The following ARRDC5 variants were observed in gnomAD, a reference collection of about 807,000 sequenced individuals.
ARRDC5 encodes the protein arrestin domain-containing protein 5.
A neutral mutation model predicts 13.3 loss-of-function variants in ARRDC5; 12 were observed. The observed-to-expected ratio is 0.90, with a 90% CI of 0.58 to 1.46. The LOEUF (loss-of-function observed/expected upper bound fraction) is 1.46. ARRDC5 is among the 40% of genes most tolerant of loss of function. The probability of loss-of-function intolerance (pLI) is 0.00; values close to 1 mark genes in which losing one functional copy is unlikely to be tolerated. For missense variants in ARRDC5, 406 were observed against 418.7 expected (o/e 0.97, Z 0.26); for synonymous variants, 181 against 173.4 (o/e 1.04, Z -0.34).
intron 2 of ARRDC5, among the ~76,000 whole-genome samples, chr19:4,893,150 G>T (rs868289485): frequency 0.011 from 1,480 of 138,928 alleles, 20 homozygotes; most frequent in Non-Finnish European, 0.015. Context: ...TATATTATTA[G>T]AATATATATA....
At chr19:4,896,020 TA>T (rs1194496187) in intron 2 of ARRDC5, among the ~76,000 whole-genome samples, 3 of 152,028 alleles carry the variant, frequency 2.0e-5, no homozygotes, top group African/African-American at 7.2e-5. Context: ...GTTTCTTTTC[TA>T]AAAAAAATGT....
the ARRDC5 span, among the ~76,000 whole-genome samples, chr19:4,914,397 CTT>C: frequency 6.6e-6 from 1 of 151,552 alleles, no homozygotes; most frequent in African/African-American, 2.4e-5. Context: ...TGTTCACAGT[CTT>C]TTTTTTTCCC....
At chr19:4,904,560 G>T (rs187737194), upstream of ARRDC5, among the ~76,000 whole-genome samples, 395 of 152,158 alleles carry the variant, frequency 2.6e-3, 2 homozygotes, top group South Asian at 0.029. Context: ...TGATCCACCC[G>T]CCTCACTTGG....
chr19:4,896,371 C>CTT lies in ARRDC5; in HGVS notation c.459+299_459+300insAA, dbSNP rs1568396086. 2.4e-4 allele frequency among the ~76,000 whole-genome samples: 26 copies of CTT among 107,860 alleles called. 1 individual carries two copies. The highest frequency in any genetic ancestry group is 9.5e-4 in the African/African-American group (26 of 27,488). The allele number at this position is 107,860 out of a possible 152,430, so 70.8% of individuals were successfully genotyped here. On this transcript the variant is annotated intron_variant, in intron 2 of 2. Coordinates refer to ENST00000650722, the MANE Select transcript of ARRDC5 (RefSeq NM_001080523.3). ...ATATTTTTTTTTTTTTACACACACA[C>CTT]ACACACACACACACACACACACACA...
At position 4,891,235 on chromosome 19, in the gene ARRDC5, G is replaced by C; in HGVS notation, c.798C>G (p.Ser266Arg). 1 of 1,613,872 alleles carries C rather than the reference G, an allele frequency of 6.2e-7. No homozygotes were observed. Among genetic ancestry groups the C allele is most frequent in the Non-Finnish European group, 8.5e-7 (1 of 1,179,846 alleles). The change falls in exon 3 of 3, where the codon AGC (serine) becomes AGG (arginine). Residue 266 changes from serine (S) to arginine (R), a missense_variant. Ser to Arg is a moderately radical substitution (Grantham distance 110). Transcript: ENST00000650722. ...TFNLPLLLSV[S>R]SSTQDGEIMH... ...TGATCTCACCGTCCTGCGTGCTGCT[G>C]CTCACGGACAGCAGCAACGGCAGGT...
chr19:4,908,555 C>G, the ARRDC5 span, among the ~76,000 whole-genome samples: 1 of 152,102 alleles, frequency 6.6e-6, no homozygotes, highest in Non-Finnish European at 1.5e-5. Flanking sequence ...CTGGGTTTGA[C>G]TTTCCCTCCT....
chr19:4,899,687 T>C (rs1026122317), intron 1 of ARRDC5, among the ~76,000 whole-genome samples: 3 of 136,408 alleles, frequency 2.2e-5, no homozygotes, highest in Non-Finnish European at 4.5e-5. Context: ...CCCAGCACTC[T>C]GGGAGGCCGA....
chr19:4,898,665 C>CTTTT (rs71170878), intron 1 of ARRDC5, among the ~76,000 whole-genome samples: 1 of 130,584 alleles, frequency 7.7e-6, no homozygotes, highest in Non-Finnish European at 1.6e-5. Flanking sequence ...CGGGCTTGGC[C>CTTTT]TTTTTTTTTT....
chr19:4,904,512 A>C (rs2032024456), upstream of ARRDC5, among the ~76,000 whole-genome samples: 1 of 151,878 alleles, frequency 6.6e-6, no homozygotes, highest in Admixed American at 6.6e-5. Flanking sequence ...ACAGGGTTTC[A>C]CCATCTTGGC....
chr19:4,909,717 T>G, the ARRDC5 span: 1 of 493,708 alleles, frequency 2.0e-6, no homozygotes, highest in African/African-American at 2.1e-5. Flanking sequence ...TCGGGAACTT[T>G]GCAAAACTTT....
chr19:4,890,860 C>A lies in ARRDC5; in HGVS notation c.*186G>T, dbSNP rs2031476079. 4 of 587,168 alleles carry A rather than the reference C, an allele frequency of 6.8e-6. No homozygotes were observed. Among genetic ancestry groups the A allele is most frequent in the Non-Finnish European group, 8.9e-6 (3 of 335,894 alleles). The allele number at this position is 587,168 out of a possible 1,614,324, so 36.4% of individuals were successfully genotyped here. ...GGGAGACCTTCCCGGTTTCCTTTGT[C>A]CATTCCAGGCATTCAGTGATAGTTC... On this transcript the variant is annotated 3_prime_UTR_variant, in exon 3 of 3. Coordinates refer to ENST00000650722, the MANE Select transcript of ARRDC5 (RefSeq NM_001080523.3).
At chr19:4,894,681 CA>C (rs375739622) in intron 2 of ARRDC5, among the ~76,000 whole-genome samples, 168 of 60,102 alleles carry the variant, frequency 2.8e-3, no homozygotes, top group South Asian at 0.015. Context: ...GAGACTGTCT[CA>C]AAAAAAAAAA....
rs573530185 is a variant in ARRDC5 at position 4,892,058 on chromosome 19, T to C, written c.460-485A>G. Reference sequence around the variant, plus strand: ...TTTTGCAGTCAAAAACCTGGAGTCATCTCCCATCTCCCAGCATGTTTTGTT... The same window carrying C: ...TTTTGCAGTCAAAAACCTGGAGTCACCTCCCATCTCCCAGCATGTTTTGTT... On this transcript the variant is annotated intron_variant, in intron 2 of 2. Coordinates refer to ENST00000650722, the MANE Select transcript of ARRDC5 (RefSeq NM_001080523.3). Among the ~76,000 whole-genome samples the C allele has an allele frequency of 4.6e-5, 7 of 152,146 alleles. No homozygotes were observed. The South Asian group carries it at 1.5e-3, about 32-fold the overall frequency.
At chr19:4,911,794 G>A in the ARRDC5 span, among the ~76,000 whole-genome samples, 1 of 152,182 alleles carries the variant, frequency 6.6e-6, no homozygotes, top group Admixed American at 6.6e-5. Context: ...CTGGGAGTGG[G>A]GTTTCCCGGC....
the ARRDC5 span, among the ~76,000 whole-genome samples, chr19:4,911,721 A>G: frequency 6.6e-6 from 1 of 151,878 alleles, no homozygotes; most frequent in African/African-American, 2.4e-5. Flanking sequence ...CGCTCCCTCC[A>G]TTGGCACCTG....
intron 2 of ARRDC5, among the ~76,000 whole-genome samples, chr19:4,894,286 C>T (rs1202574293): frequency 2.0e-5 from 3 of 147,456 alleles, no homozygotes; most frequent in African/African-American, 2.5e-5. Context: ...CCGAGGCGGG[C>T]GGATCACAAG....
the ARRDC5 span, among the ~76,000 whole-genome samples, chr19:4,911,464 G>A: frequency 1.3e-5 from 2 of 152,094 alleles, no homozygotes; most frequent in Non-Finnish European, 2.9e-5. Flanking sequence ...AGCCTGTACC[G>A]GTTAAGCATC....
rs565062592 is a variant in ARRDC5, at chr19:4,897,377, C to T, written c.254-501G>A. On this transcript the variant is annotated intron_variant, in intron 1 of 2. Transcript: ENST00000650722. Reference sequence around the variant, plus strand: ...CCTGCTGGGCCTATAAATATCAGGTCGCAGCTGGGCTGGAGTGGGATGCCC... The same window carrying T: ...CCTGCTGGGCCTATAAATATCAGGTTGCAGCTGGGCTGGAGTGGGATGCCC... Among the ~76,000 whole-genome samples, 205 of 152,146 alleles carry T rather than the reference C, an allele frequency of 1.3e-3. 2 individuals carry two copies. Among genetic ancestry groups the T allele is most frequent in the Non-Finnish European group, 1.0e-3 (70 of 68,022 alleles).
intron 2 of ARRDC5, among the ~76,000 whole-genome samples, chr19:4,892,531 C>CT (rs1555740146): frequency 3.7e-4 from 53 of 142,576 alleles, no homozygotes; most frequent in African/African-American, 5.6e-4. Flanking sequence ...CACACCCCAG[C>CT]TTTTTTTTTT....
Sources: gnomAD v4.1 joint callset for allele counts (sites outside exome capture counted in the v4.1 genomes callset) on GRCh38, gnomAD v4.1.1 for gene constraint, MANE v1.5 for transcripts, NCBI Gene and HGNC (gene_info 2026-07-23, HGNC 2026-07-21) for gene names.